NDNF: variants seen among roughly 807,000 people sequenced by gnomAD.
NDNF encodes the protein neuron derived neurotrophic factor, also known as protein NDNF.
NDNF carries 16 observed loss-of-function variants against 42.0 expected under a neutral mutation model. The ratio of observed to expected loss-of-function variants is 0.38; its 90% confidence interval spans 0.26 to 0.58. The LOEUF is 0.58. NDNF is among the 20% of genes least tolerant of loss of function. NDNF has a pLI of 0.67. For missense variants in NDNF, 616 were observed against 666.2 expected (o/e 0.92, Z 0.83); for synonymous variants, 248 against 251.7 (o/e 0.99, Z 0.14).
intron 1 of NDNF, among the ~76,000 whole-genome samples, chr4:121,057,572 G>A (rs548403759): frequency 4.6e-4 from 70 of 152,266 alleles, no homozygotes; most frequent in Non-Finnish European, 8.8e-4. Flanking sequence ...ATGCTCTGAC[G>A]TCCATTATCA....
intron 3 of NDNF, 26 bp downstream of exon 3, chr4:121,039,903 CA>C (rs1390285181): frequency 5.6e-6 from 9 of 1,603,896 alleles, no homozygotes; most frequent in Non-Finnish European, 6.0e-6. Context: ...TTCAAAGGTC[CA>C]GGGGCAGATC....
chr4:121,059,096 C>CT (rs1405168449), intron 1 of NDNF, among the ~76,000 whole-genome samples: 2 of 152,178 alleles, frequency 1.3e-5, no homozygotes, highest in Non-Finnish European at 2.9e-5. Context: ...TCTACTCATT[C>CT]TTTAAGACTC....
intron 1 of NDNF, among the ~76,000 whole-genome samples, chr4:121,048,154 T>A (rs6837474): frequency 6.6e-6 from 1 of 152,074 alleles, no homozygotes; most frequent in Non-Finnish European, 1.5e-5. Context: ...TACAAGTTTA[T>A]TTCTCTTTGT....
At position 121,056,161 on chromosome 4, in the gene NDNF, T is replaced by C. The variant is rs148988172; in HGVS notation, c.-1-10323A>G. Among the ~76,000 whole-genome samples the C allele has an allele frequency of 1.5e-3, 225 of 152,296 alleles. 1 individual carries two copies. Among genetic ancestry groups the C allele is most frequent in the Non-Finnish European group, 2.2e-3 (153 of 68,018 alleles). On this transcript the variant is annotated intron_variant, in intron 1 of 3. Coordinates refer to ENST00000379692, the MANE Select transcript of NDNF (RefSeq NM_024574.4). Reference sequence around the variant, plus strand: ...CATATAACTTATGCTACTGGGCACTTATTTGGAAAGAAGCACCATCCCTGG... The same window carrying C: ...CATATAACTTATGCTACTGGGCACTCATTTGGAAAGAAGCACCATCCCTGG...
intron 1 of NDNF, among the ~76,000 whole-genome samples, chr4:121,049,112 C>T (rs1727146319): frequency 6.6e-6 from 1 of 152,084 alleles, no homozygotes; most frequent in East Asian, 1.9e-4. Context: ...ATTATATATT[C>T]TCCAGTTCAG....
In NDNF at chr4:121,036,892, G is replaced by A; in HGVS notation, c.1079C>T (p.Ala360Val). The change falls in exon 4 of 4, where the codon GCA becomes GTA. Residue 360 changes from alanine (A) to valine (V), a missense_variant. Coordinates refer to ENST00000379692, the MANE Select transcript of NDNF (RefSeq NM_024574.4). ...GACTGGAGCAAACCGTAGAAACTTT[G>A]CTCCCTTCCTTTTAACAAATACATC... is the stretch of plus-strand genomic sequence containing the variant. ...ITDVFVKRKG[A>V]KFLRFAPVSS... 4 of 1,613,970 alleles carry A rather than the reference G, an allele frequency of 2.5e-6. No homozygotes were observed. In the South Asian group the frequency reaches 4.4e-5, roughly 18 times the overall value.
rs1348121512 is a variant in NDNF, at chr4:121,035,620, G to A, written c.*644C>T. 6.6e-6 allele frequency: 1 copy of A among 152,092 alleles called. No homozygotes were observed. The highest frequency in any genetic ancestry group is 1.5e-5 in the Non-Finnish European group (1 of 68,022). 9.4% of individuals were successfully genotyped at this position (152,092 alleles called of 1,614,324 possible). A position where few individuals can be genotyped will look rare whatever the true frequency, so the allele number is the denominator to read the frequency against. ...TGAATACACCAAGGTAGCTGCTTGG[G>A]AAAATGAACAGTATATAATCTAATC... On this transcript the variant is annotated 3_prime_UTR_variant, in exon 4 of 4. Transcript: ENST00000379692.
intron 1 of NDNF, chr4:121,061,272 G>C (rs1727401035): frequency 6.5e-6 from 1 of 152,718 alleles, no homozygotes; most frequent in South Asian, 2.1e-4. Flanking sequence ...TGGCAGGGGA[G>C]CGCAGCTACT....
chr4:121,068,830 C>A (rs1400076901), intron 1 of NDNF, among the ~76,000 whole-genome samples: 1 of 152,154 alleles, frequency 6.6e-6, no homozygotes, highest in South Asian at 2.1e-4. Context: ...GTAATTCACA[C>A]TCTGTTCCTA....
intron 1 of NDNF, among the ~76,000 whole-genome samples, chr4:121,051,317 G>A (rs1270124769): frequency 6.6e-6 from 1 of 152,088 alleles, no homozygotes; most frequent in African/African-American, 2.4e-5. Flanking sequence ...AGTAGGGAGT[G>A]GAGCACATGA....
At chr4:121,040,820 T>A (rs1726985421) in intron 2 of NDNF, among the ~76,000 whole-genome samples, 2 of 152,138 alleles carry the variant, frequency 1.3e-5, no homozygotes, top group Non-Finnish European at 2.9e-5. Flanking sequence ...TTTTTAAATT[T>A]TTTTGTACAG....
chr4:121,042,170 G>A (rs1270182650), intron 2 of NDNF, among the ~76,000 whole-genome samples: 3 of 152,052 alleles, frequency 2.0e-5, no homozygotes, highest in African/African-American at 4.8e-5. Context: ...CATTTATCAC[G>A]CCTTTGTATT....
At chr4:121,069,195 A>C (rs1727548636) in intron 1 of NDNF, among the ~76,000 whole-genome samples, 1 of 152,204 alleles carries the variant, frequency 6.6e-6, no homozygotes, top group African/African-American at 2.4e-5. Flanking sequence ...CTGACGACTG[A>C]CCTACTGTGG....
chr4:121,038,359 G>GATAAAATAAAATAAA (rs533558817), intron 3 of NDNF, among the ~76,000 whole-genome samples: 3,074 of 131,062 alleles, frequency 0.023, 124 homozygotes, highest in African/African-American at 0.076. Flanking sequence ...CTCAAAATAA[G>GATAAAATAAAATAAA]ATAAAATAAA....
chr4:121,063,952 T>C (rs1173173063), intron 1 of NDNF, among the ~76,000 whole-genome samples: 1 of 152,218 alleles, frequency 6.6e-6, no homozygotes, highest in Non-Finnish European at 1.5e-5. Context: ...CCTTTAAAAA[T>C]TCCCTAAGAA....
chr4:121,054,775 G>T (rs1182247356), intron 1 of NDNF, among the ~76,000 whole-genome samples: 1 of 152,198 alleles, frequency 6.6e-6, no homozygotes, highest in East Asian at 1.9e-4. Context: ...ATCACATAGA[G>T]ATTCACATCC....
intron 2 of NDNF, 143 bp downstream of exon 2, chr4:121,045,507 T>C (rs761172761): frequency 1.2e-5 from 8 of 642,314 alleles, no homozygotes; most frequent in Non-Finnish European, 2.1e-5. Flanking sequence ...TGCACTGCCA[T>C]GTTCCCCCTT....
At chr4:121,052,408 G>T (rs979738128) in intron 1 of NDNF, among the ~76,000 whole-genome samples, 1 of 152,198 alleles carries the variant, frequency 6.6e-6, no homozygotes, top group Non-Finnish European at 1.5e-5. Flanking sequence ...TAATTAAAGA[G>T]AGTGGAAAGT....
intron 2 of NDNF, among the ~76,000 whole-genome samples, chr4:121,041,306 T>C (rs902299588): frequency 5.9e-5 from 9 of 152,042 alleles, no homozygotes; most frequent in African/African-American, 2.2e-4. Flanking sequence ...TGCTCATTGA[T>C]TCCATGCAGA....
Sources: gnomAD v4.1 joint callset for allele counts (sites outside exome capture counted in the v4.1 genomes callset) on GRCh38, gnomAD v4.1.1 for gene constraint, MANE v1.5 for transcripts, NCBI Gene and HGNC (gene_info 2026-07-23, HGNC 2026-07-21) for gene names.